Variants in METAP1D observed in about 807,000 individuals in gnomAD.
METAP1D encodes the protein methionyl aminopeptidase type 1D, mitochondrial, also known as methionine aminopeptidase 1D, mitochondrial.
Under a neutral mutation model 40.5 loss-of-function variants are expected in METAP1D, and 31 were observed. That is an observed-to-expected ratio of 0.77 (90% confidence interval 0.58 to 1.03). The LOEUF (loss-of-function observed/expected upper bound fraction) is 1.03. METAP1D is among the 50% of genes least tolerant of loss of function. The probability of loss-of-function intolerance (pLI) is 0.00; values close to 1 mark genes in which losing one functional copy is unlikely to be tolerated. For missense variants in METAP1D, 411 were observed against 420.7 expected (o/e 0.98, Z 0.20); for synonymous variants, 151 against 146.4 (o/e 1.03, Z -0.22).
chr2:172,027,331 G>A (rs960962307), intron 1 of METAP1D, among the ~76,000 whole-genome samples: 1 of 152,154 alleles, frequency 6.6e-6, no homozygotes, highest in Non-Finnish European at 1.5e-5. Flanking sequence ...AGAATATAAT[G>A]CTGTTTTTAC....
Position 172,010,659 on chromosome 2 carries a change from G to A in METAP1D, c.40+10650G>A, listed in dbSNP as rs114227323. On this transcript the variant is annotated intron_variant, in intron 1 of 9. Transcript: ENST00000315796. ...AGGCGTGTGCCACCTCGCCTGGCTA[G>A]TTTTTGTATTTTTAGTAAGAGACAG... Among the ~76,000 whole-genome samples, 928 of 149,476 alleles carry A rather than the reference G, an allele frequency of 6.2e-3. 6 individuals carry two copies. Among genetic ancestry groups the A allele is most frequent in the African/African-American group, 0.022 (878 of 40,656 alleles).
chr2:172,067,985 A>G (rs184871184), intron 5 of METAP1D, among the ~76,000 whole-genome samples: 438 of 152,378 alleles, frequency 2.9e-3, no homozygotes, highest in African/African-American at 9.9e-3. Flanking sequence ...GACGTCTAGT[A>G]TACATCACAA....
rs1341124104 is a variant in METAP1D, at chr2:172,042,851, A to C, written c.41-18647A>C. Among the ~76,000 whole-genome samples, 2 of 6,696 alleles carry C rather than the reference A, an allele frequency of 3.0e-4. 1 individual carries two copies. Among genetic ancestry groups the C allele is most frequent in the Non-Finnish European group, 6.8e-4 (2 of 2,926 alleles). 4.4% of individuals were successfully genotyped at this position (6,696 alleles called of 152,430 possible). On this transcript the variant is annotated intron_variant, in intron 1 of 9. Coordinates refer to ENST00000315796, the MANE Select transcript of METAP1D (RefSeq NM_199227.3). The stretch of plus-strand genomic sequence containing the variant: ...TATGTACACATATACGTGTGTGTGT[A>C]TATATGTACATATATGTGTATGTGT...
chr2:172,077,815 T>C lies in METAP1D; in HGVS notation c.723T>C (p.Asn241=). Residue 241 remains asparagine (N), a synonymous_variant, in exon 7 of 10, where the codon AAT becomes AAC. Coordinates refer to ENST00000315796, the MANE Select transcript of METAP1D (RefSeq NM_199227.3). ...TTTAAAGCCACATAACTCATCAGAA[T>C]GGTTTTCAAGTCTGTCCACATTTTG... ...GNTISHITHQ[N]GFQVCPHFVG... is the part of the protein sequence containing the mutation. 6.2e-7 allele frequency: 1 copy of C among 1,606,470 alleles called. No homozygotes were observed. The highest frequency in any genetic ancestry group is 1.3e-5 in the African/African-American group (1 of 74,750).
intron 1 of METAP1D, among the ~76,000 whole-genome samples, chr2:172,026,568 T>C (rs1689124177): frequency 6.6e-6 from 1 of 152,204 alleles, no homozygotes. Flanking sequence ...TTCTAGAGCT[T>C]TCACAGATTT....
intron 5 of METAP1D, among the ~76,000 whole-genome samples, chr2:172,070,092 T>TG (rs982187928): frequency 6.6e-6 from 1 of 152,170 alleles, no homozygotes; most frequent in Admixed American, 6.5e-5. Flanking sequence ...TCCAAACAGT[T>TG]GCCTCTGCCT....
At chr2:172,020,815 AATAAGCC>A in intron 1 of METAP1D, among the ~76,000 whole-genome samples, 1 of 152,338 alleles carries the variant, frequency 6.6e-6, no homozygotes, top group Non-Finnish European at 1.5e-5. Flanking sequence ...GAGCTATTTA[AATAAGCC>A]ATACTTTAAA....
chr2:172,045,699 A>ATG (rs796722451), intron 1 of METAP1D, among the ~76,000 whole-genome samples: 2,911 of 82,190 alleles, frequency 0.035, 115 homozygotes, highest in African/African-American at 0.064. Flanking sequence ...ATTCATATAT[A>ATG]TGTGTGTGTG....
At chr2:172,062,816 C>T (rs1690169264) in intron 2 of METAP1D, among the ~76,000 whole-genome samples, 1 of 152,206 alleles carries the variant, frequency 6.6e-6, no homozygotes, top group Non-Finnish European at 1.5e-5. Flanking sequence ...TAACCTCAGC[C>T]CTTCCAGAGC....
chr2:172,029,415 C>T (rs1172641087), intron 1 of METAP1D, among the ~76,000 whole-genome samples: 1 of 152,144 alleles, frequency 6.6e-6, no homozygotes, highest in African/African-American at 2.4e-5. Flanking sequence ...AGAGCCAAAC[C>T]TTGTCTCAAA....
chr2:172,012,671 G>A (rs1056954333), intron 1 of METAP1D, among the ~76,000 whole-genome samples: 1 of 152,128 alleles, frequency 6.6e-6, no homozygotes, highest in African/African-American at 2.4e-5. Context: ...ATTTTCTAAT[G>A]TTGTTTTCTA....
intron 1 of METAP1D, among the ~76,000 whole-genome samples, chr2:172,035,154 TTTTGTTTG>T (rs1553492540): frequency 0.053 from 7,962 of 150,118 alleles, 738 homozygotes; most frequent in East Asian, 0.48. Context: ...TGTGTTTTTT[TTTTGTTTG>T]TTTGTTTGTT....
At chr2:172,065,463 A>G (rs1690250151) in intron 3 of METAP1D, 141 bp from the exon 4 acceptor site, 3 of 832,152 alleles carry the variant, frequency 3.6e-6, no homozygotes, top group Non-Finnish European at 5.5e-6. Flanking sequence ...ACTAATCATA[A>G]TTAATTCAAA....
At chr2:172,026,520 C>T (rs1020350054) in intron 1 of METAP1D, among the ~76,000 whole-genome samples, 1 of 152,154 alleles carries the variant, frequency 6.6e-6, no homozygotes, top group Admixed American at 6.5e-5. Flanking sequence ...ATGAATCTCT[C>T]CCCTTCATCA....
At chr2:172,027,006 C>T (rs1274924970) in intron 1 of METAP1D, among the ~76,000 whole-genome samples, 2 of 152,144 alleles carry the variant, frequency 1.3e-5, no homozygotes, top group African/African-American at 4.8e-5. Flanking sequence ...TTCAGGGCAA[C>T]ATAAAGGGGT....
chr2:172,037,341 C>T (rs927043951), intron 1 of METAP1D, among the ~76,000 whole-genome samples: 2 of 151,736 alleles, frequency 1.3e-5, no homozygotes, highest in Non-Finnish European at 2.9e-5. Flanking sequence ...TACAGAGACT[C>T]TTTCTGGTCA....
rs111215169 is a variant in METAP1D, at chr2:172,042,457, A to C, written c.41-19041A>C. Among the ~76,000 whole-genome samples, 2 of 28,558 alleles carry C rather than the reference A, an allele frequency of 7.0e-5. 1 individual carries two copies. The highest frequency in any genetic ancestry group is 1.2e-4 in the Non-Finnish European group (2 of 16,728). The allele number at this position is 28,558 out of a possible 152,430, so 18.7% of individuals were successfully genotyped here. A position where few individuals can be genotyped will look rare whatever the true frequency, so the allele number is the denominator to read the frequency against. Reference sequence around the variant, plus strand: ...CATATGTATGTGTACATGCGTACATATATACATATATACATATGTGTGTGT... The same window carrying C: ...CATATGTATGTGTACATGCGTACATCTATACATATATACATATGTGTGTGT... On this transcript the variant is annotated intron_variant, in intron 1 of 9. Coordinates refer to ENST00000315796, the MANE Select transcript of METAP1D (RefSeq NM_199227.3).
At chr2:172,074,305 A>C (rs1253337451) in intron 6 of METAP1D, among the ~76,000 whole-genome samples, 1 of 152,082 alleles carries the variant, frequency 6.6e-6, no homozygotes, top group Non-Finnish European at 1.5e-5. Context: ...ATGTTTTGAT[A>C]TTAATTTGGA....
intron 8 of METAP1D, among the ~76,000 whole-genome samples, 165 bp from the exon 9 acceptor site, chr2:172,079,963 T>C (rs1367596994): frequency 1.3e-5 from 2 of 152,166 alleles, no homozygotes; most frequent in African/African-American, 4.8e-5. Flanking sequence ...TAGTATACTA[T>C]GTAAGCAACA....
Sources: allele counts gnomAD v4.1 joint callset (sites outside exome capture counted in the v4.1 genomes callset), GRCh38; gene constraint gnomAD v4.1.1; transcripts MANE v1.5; gene names NCBI Gene and HGNC (gene_info 2026-07-23, HGNC 2026-07-21).